The following SHISA9 variants were observed in gnomAD, a reference collection of about 807,000 sequenced individuals.
The protein encoded by SHISA9 is protein shisa-9.
A neutral mutation model predicts 38.0 loss-of-function variants in SHISA9; 13 were observed. The observed-to-expected ratio is 0.34, with a 90% CI of 0.22 to 0.54. The LOEUF is 0.54. Ranked by LOEUF, SHISA9 falls within the 20% of genes least tolerant of loss-of-function variation. The pLI is 0.91. For missense variants in SHISA9, 538 were observed against 575.8 expected (o/e 0.93, Z 0.67); for synonymous variants, 275 against 242.0 (o/e 1.14, Z -1.27).
chr16:12,947,314 G>A (rs183362648), intron 2 of SHISA9, among the ~76,000 whole-genome samples: 1 of 152,306 alleles, frequency 6.6e-6, no homozygotes, highest in Non-Finnish European at 1.5e-5. Flanking sequence ...TGGGACAGTA[G>A]CTTGTTTAAG....
At chr16:13,521,119 C>G in the SHISA9 span, among the ~76,000 whole-genome samples, 1 of 152,158 alleles carries the variant, frequency 6.6e-6, no homozygotes, top group African/African-American at 2.4e-5. Context: ...AGAGCAGCTT[C>G]CAGGTTAGGT....
chr16:13,522,528 C>G, the SHISA9 span, among the ~76,000 whole-genome samples: 1 of 152,062 alleles, frequency 6.6e-6, no homozygotes, highest in Non-Finnish European at 1.5e-5. Flanking sequence ...CCTAGTTTGA[C>G]CTGGAGGCCA....
intron 2 of SHISA9, among the ~76,000 whole-genome samples, chr16:13,035,965 T>G (rs1374751624): frequency 6.6e-6 from 1 of 152,144 alleles, no homozygotes; most frequent in Non-Finnish European, 1.5e-5. Flanking sequence ...ATACCACCCA[T>G]TAGAATGGCT....
At chr16:13,196,740 A>G (rs904425575) in intron 2 of SHISA9, among the ~76,000 whole-genome samples, 1 of 152,234 alleles carries the variant, frequency 6.6e-6, no homozygotes, top group East Asian at 1.9e-4. Flanking sequence ...TCTCTGTACT[A>G]TCTTTGCAGT....
intron 2 of SHISA9, among the ~76,000 whole-genome samples, chr16:13,182,973 C>G (rs1212627597): frequency 6.6e-6 from 1 of 152,230 alleles, no homozygotes; most frequent in African/African-American, 2.4e-5. Flanking sequence ...GCAATGGATA[C>G]TGGCTGTCAT....
the SHISA9 span, among the ~76,000 whole-genome samples, chr16:13,268,964 C>G: frequency 4.6e-5 from 7 of 152,246 alleles, no homozygotes; most frequent in Admixed American, 4.6e-4. Context: ...TTCAGGGTCT[C>G]AGTCCTCAAC....
At chr16:13,431,781 G>T in the SHISA9 span, among the ~76,000 whole-genome samples, 376 of 152,286 alleles carry the variant, frequency 2.5e-3, no homozygotes, top group Middle Eastern at 0.01. Flanking sequence ...AACAAAATAG[G>T]CCGGGCAAGT....
At chr16:12,961,082 T>C (rs1378300129) in intron 2 of SHISA9, among the ~76,000 whole-genome samples, 1 of 151,656 alleles carries the variant, frequency 6.6e-6, no homozygotes, top group Non-Finnish European at 1.5e-5. Flanking sequence ...GGGTCAGGGG[T>C]CAGGGGACGT....
At chr16:12,966,227 A>G (rs1206284080) in intron 2 of SHISA9, among the ~76,000 whole-genome samples, 2 of 152,188 alleles carry the variant, frequency 1.3e-5, no homozygotes, top group African/African-American at 2.4e-5. Context: ...ACTTTCCTAC[A>G]TCTATGATTT....
chr16:13,146,952 A>G (rs1178968671), intron 2 of SHISA9, among the ~76,000 whole-genome samples: 1 of 152,240 alleles, frequency 6.6e-6, no homozygotes, highest in Non-Finnish European at 1.5e-5. Flanking sequence ...TGTTTGGCAC[A>G]TTCTAGAGCC....
intron 2 of SHISA9, among the ~76,000 whole-genome samples, chr16:12,994,797 T>A (rs2072437614): frequency 1.3e-5 from 2 of 152,156 alleles, no homozygotes; most frequent in African/African-American, 4.8e-5. Context: ...GGCAAGGATG[T>A]CCGTATCTTT....
At chr16:13,219,638 G>A (rs2051202926) in intron 4 of SHISA9, among the ~76,000 whole-genome samples, 1 of 152,206 alleles carries the variant, frequency 6.6e-6, no homozygotes, top group Non-Finnish European at 1.5e-5. Flanking sequence ...GCAAAGAAAT[G>A]GAGAATGCCT....
the SHISA9 span, among the ~76,000 whole-genome samples, chr16:13,410,836 G>A: frequency 1.3e-5 from 2 of 152,294 alleles, no homozygotes; most frequent in East Asian, 3.9e-4. Flanking sequence ...GATACTATCT[G>A]TGGGAGGGAG....
At chr16:13,367,709 C>CGCGT in the SHISA9 span, among the ~76,000 whole-genome samples, 4 of 100,634 alleles carry the variant, frequency 4.0e-5, no homozygotes, top group African/African-American at 1.5e-4. Context: ...CGCGCGCGCG[C>CGCGT]GCGCACACAC....
At chr16:13,061,615 A>C (rs914187236) in intron 2 of SHISA9, among the ~76,000 whole-genome samples, 2 of 152,220 alleles carry the variant, frequency 1.3e-5, no homozygotes, top group African/African-American at 4.8e-5. Flanking sequence ...TATGCAGGGT[A>C]CTGTGCTGGG....
rs1486340284 is a variant in SHISA9 at position 13,049,153 on chromosome 16, AGTATGTGTGTGTGTGT to A, written c.691+132341_691+132356del. On this transcript the variant is annotated intron_variant, in intron 2 of 4. Transcript: ENST00000558583. ...GCTGCCATTCTAAGCTTTGGTTAGG[AGTATGTGTGTGTGTGT>A]GTGTGTGTGTGTGTGTGTGTGTGTG... Among the ~76,000 whole-genome samples, 418 of 138,506 alleles carry A rather than the reference AGTATGTGTGTGTGTGT, an allele frequency of 3.0e-3. 3 individuals carry two copies. Among genetic ancestry groups the A allele is most frequent in the Middle Eastern group, 0.019 (5 of 262 alleles). The allele number at this position is 138,506 out of a possible 152,430, so 90.9% of individuals were successfully genotyped here.
the SHISA9 span, among the ~76,000 whole-genome samples, chr16:13,254,024 G>A: frequency 6.6e-6 from 1 of 151,938 alleles, no homozygotes; most frequent in Non-Finnish European, 1.5e-5. Flanking sequence ...TAGGGCTACT[G>A]CACACTTCAG....
intron 2 of SHISA9, chr16:13,197,782 C>T (rs2050962078): frequency 6.6e-6 from 1 of 152,144 alleles, no homozygotes; most frequent in African/African-American, 2.4e-5. Context: ...GAGTACCTTT[C>T]CACAGAGGTG....
chr16:13,255,057 G>A, the SHISA9 span, among the ~76,000 whole-genome samples: 1 of 151,936 alleles, frequency 6.6e-6, no homozygotes, highest in African/African-American at 2.4e-5. Context: ...TAATAACACT[G>A]CAGACTTGGA....
Sources: gnomAD v4.1 joint callset for allele counts (sites outside exome capture counted in the v4.1 genomes callset) on GRCh38, gnomAD v4.1.1 for gene constraint, MANE v1.5 for transcripts, NCBI Gene and HGNC (gene_info 2026-07-23, HGNC 2026-07-21) for gene names.